The following LRBA variants were observed in gnomAD, a reference collection of about 807,000 sequenced individuals.
LRBA encodes the protein lipopolysaccharide-responsive and beige-like anchor protein.
LRBA carries 176 observed loss-of-function variants against 330.0 expected under a neutral mutation model. That is an observed-to-expected ratio of 0.53 (90% CI 0.47 to 0.60). The LOEUF (loss-of-function observed/expected upper bound fraction) is 0.60, where lower values mean the gene tolerates loss of function less well. Among genes scored for constraint, LRBA ranks in the 20% least tolerant of loss-of-function variants. The pLI is 0.00. For synonymous variants in LRBA, 1,230 were observed against 1,193.0 expected (o/e 1.03, Z -0.64); for missense variants, 3,259 against 3,444.8 (o/e 0.95, Z 1.35).
At chr4:150,576,164 T>A (rs200443173) in intron 40 of LRBA, among the ~76,000 whole-genome samples, 5,800 of 142,824 alleles carry the variant, frequency 0.041, 208 homozygotes, top group African/African-American at 0.099. Flanking sequence ...AACTGGTTTT[T>A]AAAAAAAAAA....
chr4:150,906,219 G>C (rs1390728016), intron 12 of LRBA, 78 bp downstream of exon 12: 9 of 946,022 alleles, frequency 9.5e-6, no homozygotes, highest in Non-Finnish European at 1.5e-5. Context: ...CTTGCAGACA[G>C]AATTCCTTAG....
At chr4:150,432,441 T>A (rs1010794714) in intron 46 of LRBA, among the ~76,000 whole-genome samples, 25 of 142,808 alleles carry the variant, frequency 1.8e-4, no homozygotes, top group African/African-American at 6.0e-4. Context: ...ATTACAGTAA[T>A]TTAAGTGTGT....
intron 36 of LRBA, among the ~76,000 whole-genome samples, chr4:150,707,845 C>A (rs966902281): frequency 2.6e-5 from 4 of 151,610 alleles, no homozygotes; most frequent in Non-Finnish European, 5.9e-5. Flanking sequence ...TGAGAAGCTG[C>A]AACATACTTC....
chr4:150,418,018 T>G (rs1748038234), intron 46 of LRBA, among the ~76,000 whole-genome samples: 1 of 151,260 alleles, frequency 6.6e-6, no homozygotes, highest in Non-Finnish European at 1.5e-5. Context: ...TTTGGTTTTT[T>G]GTTTTTTTTT....
chr4:150,401,684 T>C (rs1173539860), intron 47 of LRBA, among the ~76,000 whole-genome samples: 2 of 152,146 alleles, frequency 1.3e-5, no homozygotes, highest in African/African-American at 4.8e-5. Flanking sequence ...GAGAGTAAAT[T>C]AGACGAAAGT....
intron 2 of LRBA, among the ~76,000 whole-genome samples, chr4:150,945,267 T>A (rs1736120216): frequency 6.6e-6 from 1 of 152,244 alleles, no homozygotes; most frequent in African/African-American, 2.4e-5. Flanking sequence ...TAAAGATATC[T>A]ATTGCAGCAC....
chr4:151,006,170 C>T (rs1185599423), intron 2 of LRBA, among the ~76,000 whole-genome samples: 2 of 151,934 alleles, frequency 1.3e-5, no homozygotes, highest in South Asian at 2.1e-4. Context: ...GGCGAAACCC[C>T]GTCTCTACTA....
intron 8 of LRBA, among the ~76,000 whole-genome samples, chr4:150,915,329 T>G (rs1218732042): frequency 6.6e-6 from 1 of 152,094 alleles, no homozygotes; most frequent in East Asian, 1.9e-4. Context: ...ATAGTGGAGC[T>G]CTTGTTCATT....
intron 40 of LRBA, among the ~76,000 whole-genome samples, chr4:150,516,171 T>A (rs144233662): frequency 0.01 from 1,516 of 150,594 alleles, 13 homozygotes; most frequent in African/African-American, 0.023. Context: ...AAATATATAT[T>A]TTTTTAAAAC....
chr4:150,811,754 C>T (rs1476779343), intron 31 of LRBA, among the ~76,000 whole-genome samples: 1 of 152,066 alleles, frequency 6.6e-6, no homozygotes, highest in Non-Finnish European at 1.5e-5. Flanking sequence ...ATTCTTCCAC[C>T]CCAGCCTCTC....
chr4:150,337,145 A>G (rs1734860186), intron 48 of LRBA, among the ~76,000 whole-genome samples: 1 of 152,198 alleles, frequency 6.6e-6, no homozygotes, highest in Admixed American at 6.5e-5. Flanking sequence ...TATTTCTCAA[A>G]ACCAAACAAA....
chr4:150,960,293 A>G (rs1374338806), intron 2 of LRBA, among the ~76,000 whole-genome samples: 1 of 148,786 alleles, frequency 6.7e-6, no homozygotes, highest in African/African-American at 2.6e-5. Context: ...AGTCTAGCCA[A>G]AGGTATGGAA....
At chr4:150,794,826 T>C (rs1252009892) in intron 34 of LRBA, among the ~76,000 whole-genome samples, 1 of 152,082 alleles carries the variant, frequency 6.6e-6, no homozygotes, top group Non-Finnish European at 1.5e-5. Context: ...TTCTGATAAA[T>C]GGGAAAAGAA....
intron 48 of LRBA, among the ~76,000 whole-genome samples, chr4:150,338,599 G>A (rs1261016370): frequency 6.6e-6 from 1 of 152,062 alleles, no homozygotes; most frequent in Non-Finnish European, 1.5e-5. Flanking sequence ...TGCTGTGTTT[G>A]TACTTTTCCT....
intron 33 of LRBA, 108 bp downstream of exon 33, chr4:150,806,163 A>C: frequency 1.3e-6 from 1 of 782,690 alleles, no homozygotes; most frequent in Non-Finnish European, 1.9e-6. Context: ...ACCTTGTCAA[A>C]GGCTGACAAC....
chr4:150,302,324 T>G (rs1729780779), intron 53 of LRBA, among the ~76,000 whole-genome samples: 3 of 152,218 alleles, frequency 2.0e-5, no homozygotes, highest in Non-Finnish European at 4.4e-5. Context: ...TGCTCTTTTA[T>G]GCTGTATCTT....
At chr4:150,934,746 C>T (rs1244475838) in intron 2 of LRBA, among the ~76,000 whole-genome samples, 1 of 152,056 alleles carries the variant, frequency 6.6e-6, no homozygotes, top group Non-Finnish European at 1.5e-5. Flanking sequence ...CAGTGGCTCA[C>T]GCCTGTAATC....
intron 28 of LRBA, among the ~76,000 whole-genome samples, chr4:150,835,928 G>C (rs1747980979): frequency 6.6e-6 from 1 of 152,150 alleles, no homozygotes; most frequent in Non-Finnish European, 1.5e-5. Context: ...TATGATATTG[G>C]CTGTGAGTTT....
At chr4:150,338,064 T>C (rs1414224230) in intron 48 of LRBA, among the ~76,000 whole-genome samples, 1 of 152,184 alleles carries the variant, frequency 6.6e-6, no homozygotes, top group Non-Finnish European at 1.5e-5. Context: ...ACACTGCTGC[T>C]GCTTCTTTTG....
Sources: gnomAD v4.1 joint callset for allele counts (sites outside exome capture counted in the v4.1 genomes callset) on GRCh38, gnomAD v4.1.1 for gene constraint, MANE v1.5 for transcripts, NCBI Gene and HGNC (gene_info 2026-07-23, HGNC 2026-07-21) for gene names.